Variants in TBCK observed in about 807,000 individuals in gnomAD.
The protein encoded by TBCK is TBC domain-containing protein kinase-like protein.
TBCK carries 99 observed loss-of-function variants against 113.4 expected under a neutral mutation model. The observed-to-expected ratio is 0.87, with a 90% confidence interval of 0.74 to 1.03. The LOEUF is 1.03. Among genes scored for constraint, TBCK ranks in the 50% least tolerant of loss-of-function variants. The pLI, the probability that TBCK is intolerant of heterozygous loss-of-function variation, is 0.00. For missense variants in TBCK, 1,045 were observed against 1,061.3 expected, an observed-to-expected ratio of 0.98 and a Z score of 0.21; for synonymous variants, 369 against 370.8, an observed-to-expected ratio of 1.00 and a Z score of 0.05.
intron 2 of TBCK, among the ~76,000 whole-genome samples, chr4:106,303,377 G>A (rs1033581496): frequency 3.3e-5 from 5 of 151,686 alleles, no homozygotes; most frequent in South Asian, 4.2e-4. Flanking sequence ...GAAAATCTGC[G>A]AAAAACTATG....
rs1202814124 is a variant in TBCK at position 106,042,206 on chromosome 4, T to C, written c.*4364A>G. 6.6e-6 allele frequency: 1 copy of C among 152,208 alleles called. No individual in the cohort carries two copies. Among genetic ancestry groups the C allele is most frequent in the Non-Finnish European group, 1.5e-5 (1 of 68,038 alleles). 9.4% of individuals were successfully genotyped at this position (152,208 alleles called of 1,614,324 possible). A position where few individuals can be genotyped will look rare whatever the true frequency, so the allele number is the denominator to read the frequency against. ...TTATCAAGAAAAATGCATTATTTGG[T>C]TAATAACAGCTATATTTTGGGTCAG... is the stretch of plus-strand genomic sequence containing the variant. On this transcript the variant is annotated 3_prime_UTR_variant, in exon 26 of 26. Coordinates refer to ENST00000394708, the MANE Select transcript of TBCK (RefSeq NM_001163435.3).
At chr4:106,212,148 C>A (rs1256892817) in intron 20 of TBCK, among the ~76,000 whole-genome samples, 1 of 152,054 alleles carries the variant, frequency 6.6e-6, no homozygotes, top group East Asian at 1.9e-4. Flanking sequence ...TTCCTCTCCA[C>A]TTTCATTTGT....
intron 2 of TBCK, among the ~76,000 whole-genome samples, chr4:106,303,861 T>C (rs1210927219): frequency 6.6e-6 from 1 of 151,840 alleles, no homozygotes; most frequent in African/African-American, 2.4e-5. Flanking sequence ...GCAGTAAGGG[T>C]TTTCGTGTCC....
chr4:106,115,139 T>C (rs570694413), intron 24 of TBCK, among the ~76,000 whole-genome samples: 18 of 152,346 alleles, frequency 1.2e-4, no homozygotes, highest in Non-Finnish European at 2.5e-4. Flanking sequence ...ATTTCAAAAA[T>C]TGGAATTGAA....
At chr4:106,049,815 T>C (rs1229439172) in intron 25 of TBCK, among the ~76,000 whole-genome samples, 2 of 152,038 alleles carry the variant, frequency 1.3e-5, no homozygotes, top group Non-Finnish European at 2.9e-5. Flanking sequence ...TAAACAGCAA[T>C]AACAAGGTTT....
chr4:106,235,069 T>G (rs1481596222), intron 15 of TBCK, among the ~76,000 whole-genome samples, 200 bp downstream of exon 15: 1 of 152,116 alleles, frequency 6.6e-6, no homozygotes, highest in Non-Finnish European at 1.5e-5. Flanking sequence ...AATAGCATAA[T>G]CTAATAAACC....
At chr4:106,254,569 A>G (rs540645761) in intron 5 of TBCK, among the ~76,000 whole-genome samples, 27 of 152,240 alleles carry the variant, frequency 1.8e-4, no homozygotes, top group African/African-American at 6.3e-4. Context: ...TTTTTTCCTT[A>G]TACTTAATGA....
At chr4:106,161,739 T>C (rs1365702595) in intron 23 of TBCK, among the ~76,000 whole-genome samples, 1 of 151,770 alleles carries the variant, frequency 6.6e-6, no homozygotes, top group South Asian at 2.1e-4. Context: ...TATGTGTGTA[T>C]GTAAGAAGAC....
chr4:106,095,904 G>C (rs1169783022), intron 24 of TBCK, among the ~76,000 whole-genome samples: 1 of 152,118 alleles, frequency 6.6e-6, no homozygotes, highest in Non-Finnish European at 1.5e-5. Context: ...CATAAACACA[G>C]ATATGGGTAA....
chr4:106,095,219 C>T (rs930359168), intron 25 of TBCK, among the ~76,000 whole-genome samples: 3 of 152,108 alleles, frequency 2.0e-5, no homozygotes, highest in Non-Finnish European at 4.4e-5. Flanking sequence ...TACTTCTTTA[C>T]AATTTCAGAA....
Position 106,232,894 on chromosome 4 carries a change from A to C in TBCK, c.1639+44T>G, listed in dbSNP as rs769635135. 1.3e-5 allele frequency: 21 copies of C among 1,566,780 alleles called. No homozygotes were observed. The Admixed American group carries it at 2.9e-4, about 21-fold the overall frequency. ...TTTTTTAAATGTCAGTTATGCAACA[A>C]TTTTCTAATACTCCAGAGGAGTTTT... On this transcript the variant is annotated intron_variant, in intron 17 of 25. Transcript: ENST00000394708.
At chr4:106,273,320 C>T (rs776608748) in intron 3 of TBCK, among the ~76,000 whole-genome samples, 1 of 152,098 alleles carries the variant, frequency 6.6e-6, no homozygotes, top group Non-Finnish European at 1.5e-5. Flanking sequence ...GACTTTGAAA[C>T]AACAAAATAA....
At chr4:106,169,267 G>A (rs563541652) in intron 23 of TBCK, among the ~76,000 whole-genome samples, 2 of 124,386 alleles carry the variant, frequency 1.6e-5, no homozygotes, top group East Asian at 4.8e-4. Context: ...GTATTAAAAA[G>A]AACAGTTGGA....
chr4:106,095,476 A>T lies in TBCK; in HGVS notation c.2571+6T>A. On this transcript the variant is annotated splice_donor_region_variant and intron_variant, in intron 25 of 25. Coordinates refer to ENST00000394708, the MANE Select transcript of TBCK (RefSeq NM_001163435.3). ...ATGTACATATGACATTTCTGAATAT[A>T]CTTACCTCAGCTGTGTGTTTTGCCA... The T allele has an allele frequency of 1.2e-6, 2 of 1,612,254 alleles. No homozygotes were observed. The highest frequency in any genetic ancestry group is 8.5e-7 in the Non-Finnish European group (1 of 1,179,168).
chr4:106,139,746 T>G (rs1169202309), intron 23 of TBCK, among the ~76,000 whole-genome samples: 1 of 141,316 alleles, frequency 7.1e-6, no homozygotes, highest in East Asian at 2.0e-4. Flanking sequence ...GAATATGAAC[T>G]CATAAATTTG....
intron 25 of TBCK, among the ~76,000 whole-genome samples, chr4:106,056,594 C>A (rs1401824014): frequency 6.7e-6 from 1 of 149,086 alleles, no homozygotes; most frequent in Non-Finnish European, 1.5e-5. Flanking sequence ...TCTTCTACTT[C>A]ATTTTAGAGT....
intron 10 of TBCK, among the ~76,000 whole-genome samples, chr4:106,244,987 G>A (rs1232310618): frequency 6.6e-6 from 1 of 152,102 alleles, no homozygotes; most frequent in East Asian, 1.9e-4. Flanking sequence ...TGTAAGAGAG[G>A]TGAGGACATA....
chr4:106,145,931 TAC>T (rs1350252499), intron 23 of TBCK, among the ~76,000 whole-genome samples: 1 of 152,164 alleles, frequency 6.6e-6, no homozygotes, highest in East Asian at 1.9e-4. Flanking sequence ...AGGGAACACT[TAC>T]ACACTGTTTG....
At chr4:106,068,601 A>G (rs1327171885) in intron 25 of TBCK, among the ~76,000 whole-genome samples, 3 of 152,336 alleles carry the variant, frequency 2.0e-5, no homozygotes, top group East Asian at 1.9e-4. Context: ...TAGTGCCACA[A>G]TAAACATACG....
Sources: gnomAD v4.1 joint callset for allele counts (sites outside exome capture counted in the v4.1 genomes callset) on GRCh38, gnomAD v4.1.1 for gene constraint, MANE v1.5 for transcripts, NCBI Gene and HGNC (gene_info 2026-07-23, HGNC 2026-07-21) for gene names.